Variants in MED15 observed in about 807,000 individuals in gnomAD.
MED15 encodes the protein mediator complex subunit 15, also known as mediator of RNA polymerase II transcription subunit 15.
A neutral mutation model predicts 118.7 loss-of-function variants in MED15; 41 were observed. That is an observed-to-expected ratio of 0.35 (90% confidence interval 0.27 to 0.45). The LOEUF (loss-of-function observed/expected upper bound fraction) is 0.45, where lower values mean the gene tolerates loss of function less well. Ranked by LOEUF, MED15 falls within the 20% of genes least tolerant of loss-of-function variation. The probability of loss-of-function intolerance (pLI) is 1.00; values close to 1 mark genes in which losing one functional copy is unlikely to be tolerated. For missense variants in MED15, 740 were observed against 1,025.5 expected (o/e 0.72, Z 3.80); for synonymous variants, 436 against 413.9 (o/e 1.05, Z -0.65).
chr22:20,540,920 A>AAC (rs1401488381), intron 2 of MED15, among the ~76,000 whole-genome samples: 12 of 135,768 alleles, frequency 8.8e-5, no homozygotes, highest in African/African-American at 2.6e-4. Flanking sequence ...ACAACAACAA[A>AAC]AAGCAACTAA....
intron 1 of MED15, among the ~76,000 whole-genome samples, chr22:20,512,025 G>A (rs1232257573): frequency 3.6e-5 from 4 of 111,926 alleles, no homozygotes; most frequent in African/African-American, 1.6e-4. Context: ...ATCTTGCTCT[G>A]TGGCCCAGGT....
chr22:20,546,524 T>G (rs1362642818), intron 2 of MED15, among the ~76,000 whole-genome samples: 2 of 150,218 alleles, frequency 1.3e-5, no homozygotes, highest in East Asian at 2.0e-4. Flanking sequence ...TTTTTTTTTT[T>G]GTCAAGAAAG....
intron 5 of MED15, among the ~76,000 whole-genome samples, chr22:20,559,159 A>G (rs1463358289): frequency 1.3e-5 from 2 of 152,168 alleles, no homozygotes; most frequent in Non-Finnish European, 2.9e-5. Context: ...CCATCTCTGA[A>G]AAAATAGAAA....
At chr22:20,547,273 T>TA (rs1985180900) in intron 2 of MED15, among the ~76,000 whole-genome samples, 1 of 152,250 alleles carries the variant, frequency 6.6e-6, no homozygotes, top group African/African-American at 2.4e-5. Context: ...TTCATTTTTT[T>TA]AAAAAGCCTC....
At chr22:20,536,365 G>A (rs1440414206) in intron 1 of MED15, among the ~76,000 whole-genome samples, 1 of 148,720 alleles carries the variant, frequency 6.7e-6, no homozygotes, top group Non-Finnish European at 1.5e-5. Flanking sequence ...GGGTGGGGGT[G>A]GGTGGGGCAG....
chr22:20,536,904 T>G (rs2055101264), intron 1 of MED15, among the ~76,000 whole-genome samples: 1 of 152,180 alleles, frequency 6.6e-6, no homozygotes, highest in African/African-American at 2.4e-5. Flanking sequence ...ACCTTTCCTG[T>G]CCCTTTTTTC....
intron 5 of MED15, among the ~76,000 whole-genome samples, chr22:20,557,390 C>G (rs138803062): frequency 3.9e-5 from 6 of 152,322 alleles, no homozygotes; most frequent in Non-Finnish European, 5.9e-5. Context: ...TTCCTGTTGT[C>G]TAACTCTCAG....
chr22:20,540,237 A>G (rs760178339), intron 2 of MED15, among the ~76,000 whole-genome samples: 33 of 152,276 alleles, frequency 2.2e-4, no homozygotes, highest in South Asian at 4.1e-4. Flanking sequence ...TTGACAGATT[A>G]GGGAAAAGGC....
intron 5 of MED15, among the ~76,000 whole-genome samples, chr22:20,562,775 C>T (rs1164190945): frequency 2.0e-5 from 3 of 152,136 alleles, no homozygotes; most frequent in African/African-American, 4.8e-5. Context: ...CAGTGACCCA[C>T]GCCTATAATC....
intron 9 of MED15, 170 bp from the exon 10 acceptor site, chr22:20,582,441 C>G: frequency 9.1e-7 from 1 of 1,100,628 alleles, no homozygotes; most frequent in South Asian, 1.6e-5. Flanking sequence ...ATGCTGTGTG[C>G]CAGGCTGGGG....
intron 1 of MED15, among the ~76,000 whole-genome samples, chr22:20,535,159 C>T (rs566745300): frequency 3.7e-4 from 56 of 152,118 alleles, no homozygotes; most frequent in Non-Finnish European, 5.9e-4. Context: ...GGTTTCACCA[C>T]GTTAGCCAGG....
Position 20,564,603 on chromosome 22 carries a change from C to G in MED15, c.605C>G (p.Ala202Gly). The stretch of plus-strand genomic sequence containing the variant: ...AGTGCCATGCAGCAGCAGTTCCAAG[C>G]AGTAGTGCAGCAGCAGCAGCAGCTC... ...QQSAMQQQFQ[A>G]VVQQQQQLQQ... Residue 202 changes from alanine to glycine, a missense_variant, in exon 6 of 18, where the codon GCA (alanine) becomes GGA (glycine). Ala to Gly is a moderately conservative substitution (Grantham distance 60, BLOSUM62 0). Around this residue, in one of 7 missense-constraint regions of MED15, gnomAD observed 384 missense variants for 506.3 expected, o/e 0.76. Coordinates refer to ENST00000263205, the MANE Select transcript of MED15 (RefSeq NM_001003891.3). The G allele has an allele frequency of 6.2e-7, 1 of 1,610,146 alleles. No homozygotes were observed. The highest frequency in any genetic ancestry group is 8.5e-7 in the Non-Finnish European group (1 of 1,177,656).
intron 2 of MED15, among the ~76,000 whole-genome samples, chr22:20,542,908 A>G (rs1250319617): frequency 6.6e-6 from 1 of 152,166 alleles, no homozygotes; most frequent in Non-Finnish European, 1.5e-5. Context: ...CATGAGTCCC[A>G]TGTTTAATCT....
At chr22:20,586,079 G>A (rs1198216450) in intron 17 of MED15, among the ~76,000 whole-genome samples, 1 of 152,178 alleles carries the variant, frequency 6.6e-6, no homozygotes, top group East Asian at 1.9e-4. Flanking sequence ...GCTGTCCAGG[G>A]TGGTTGTGTT....
In MED15 at chr22:20,587,074, C is replaced by T. The variant is rs2057157087; in HGVS notation, c.*370C>T. Reference sequence around the variant, plus strand: ...GAGCGTCTCGTGTGTGCTAGACGCACCCCTACTCGTTCCTATAGAACACAG... The same window carrying T: ...GAGCGTCTCGTGTGTGCTAGACGCATCCCTACTCGTTCCTATAGAACACAG... On this transcript the variant is annotated 3_prime_UTR_variant, in exon 18 of 18. Coordinates refer to ENST00000263205, the MANE Select transcript of MED15 (RefSeq NM_001003891.3). 1 of 282,828 alleles carries T rather than the reference C, an allele frequency of 3.5e-6. No individual in the cohort carries two copies. Among genetic ancestry groups the T allele is most frequent in the Non-Finnish European group, 6.9e-6 (1 of 145,974 alleles). The allele number at this position is 282,828 out of a possible 1,614,324, so 17.5% of individuals were successfully genotyped here.
Position 20,507,732 on chromosome 22 carries a change from G to A in MED15, c.54G>A (p.Lys18=), listed in dbSNP as rs766005058. The A allele has an allele frequency of 1.5e-5, 25 of 1,613,962 alleles. No individual in the cohort carries two copies. The African/African-American group carries it at 3.3e-4, about 22-fold the overall frequency. Residue 18 remains lysine, a synonymous_variant, in exon 1 of 18, where the codon AAG becomes AAA. Coordinates refer to ENST00000263205, the MANE Select transcript of MED15 (RefSeq NM_001003891.3). ...GGCGGAGCACCGCCTTCCGGCAGAA[G>A]CTGGTCAGTCAAATGTGAGTAGTGG... ...TDWRSTAFRQ[K]LVSQIEDAMR...
intron 1 of MED15, among the ~76,000 whole-genome samples, chr22:20,521,186 T>A (rs920302062): frequency 1.5e-5 from 2 of 137,652 alleles, no homozygotes; most frequent in African/African-American, 5.5e-5. Flanking sequence ...AACCTCTGCC[T>A]CCTAGGTTCC....
At chr22:20,570,738 C>CTTTTTTTTTTTTTTTTTTTTTT in intron 8 of MED15, among the ~76,000 whole-genome samples, 1 of 90,988 alleles carries the variant, frequency 1.1e-5, no homozygotes, top group Non-Finnish European at 2.1e-5. Flanking sequence ...TTCTTTCTTT[C>CTTTTTTTTTTTTTTTTTTTTTT]TTTCTTTCTT....
intron 1 of MED15, among the ~76,000 whole-genome samples, chr22:20,527,784 C>A (rs2054704084): frequency 6.6e-6 from 1 of 151,788 alleles, no homozygotes; most frequent in South Asian, 2.1e-4. Context: ...ATGGTGAAAC[C>A]CCATCTCTAC....
Sources: gnomAD v4.1 joint callset for allele counts (sites outside exome capture counted in the v4.1 genomes callset) on GRCh38, gnomAD v4.1.1 for gene constraint, gnomAD v4.1.1 regional missense constraint, MANE v1.5 for transcripts, NCBI Gene and HGNC (gene_info 2026-07-23, HGNC 2026-07-21) for gene names.